C22orf31: variants seen among roughly 807,000 people sequenced by gnomAD.
C22orf31 encodes uncharacterized protein C22orf31.
C22orf31 carries 11 observed loss-of-function variants against 15.0 expected under a neutral mutation model. The ratio of observed to expected loss-of-function variants is 0.73; its 90% CI spans 0.46 to 1.21. The LOEUF is 1.21. Among genes scored for constraint, C22orf31 ranks in the 50% most tolerant of loss-of-function variants. C22orf31 has a pLI of 0.00. For synonymous variants in C22orf31, 132 were observed against 133.3 expected, an observed-to-expected ratio of 0.99 and a Z score of 0.07; for missense variants, 340 against 347.2, an observed-to-expected ratio of 0.98 and a Z score of 0.17.
Position 29,059,062 on chromosome 22 carries a change from C to T in C22orf31, c.553G>A (p.Gly185Ser), listed in dbSNP as rs769738587. Reference sequence around the variant, plus strand: ...TGGGTTTCAGGAAGCAACACTCGGCCCTTCCAGGCTGCTGTCCCACTGTCC... The same window carrying T: ...TGGGTTTCAGGAAGCAACACTCGGCTCTTCCAGGCTGCTGTCCCACTGTCC... ...PQDSGTAAWKGRVLLPETQKR... is the reference protein window; with the variant it reads ...PQDSGTAAWKSRVLLPETQKR... Residue 185 changes from glycine to serine, a missense_variant, in exon 3 of 3, where the codon GGC (glycine) becomes AGC (serine). Transcript: ENST00000216071. The T allele has an allele frequency of 2.4e-5, 38 of 1,614,086 alleles. No individual in the cohort carries two copies. In the South Asian group the frequency reaches 4.2e-4, roughly 18 times the overall value.
At chr22:29,064,708 T>C (rs1346820641), upstream of C22orf31, among the ~76,000 whole-genome samples, 2 of 59,486 alleles carry the variant, frequency 3.4e-5, no homozygotes, top group Non-Finnish European at 6.7e-5. Flanking sequence ...TTTTTTTTTT[T>C]TTTTTTTTTT....
chr22:29,059,317 A>C (rs2037356598), intron 2 of C22orf31, 135 bp from the exon 3 acceptor site: 2 of 701,020 alleles, frequency 2.9e-6, no homozygotes, highest in South Asian at 3.7e-5. Flanking sequence ...AGTTTACTGA[A>C]TTCCTTTATG....
At chr22:29,067,633 G>A in the C22orf31 span, among the ~76,000 whole-genome samples, 3 of 152,140 alleles carry the variant, frequency 2.0e-5, no homozygotes, top group African/African-American at 7.2e-5. Flanking sequence ...TAGCAGAACT[G>A]GGGTTTTGCC....
rs773119007 is a variant in C22orf31, at chr22:29,058,815, G to C, written c.800C>G (p.Pro267Arg). 9.3e-6 allele frequency: 15 copies of C among 1,614,154 alleles called. No homozygotes were observed. The East Asian group carries it at 2.9e-4, about 31-fold the overall frequency. ...GTGGACACCTGGCTGCTTCCTGCCA[G>C]GGAACCGGTCCCTCTGAGCACCTTC... ...ISEGAQRDRFPGRKQPGVHEE... is the reference protein window; with the variant it reads ...ISEGAQRDRFRGRKQPGVHEE... The change falls in exon 3 of 3, where the codon CCT (proline) becomes CGT (arginine). Residue 267 changes from proline (P) to arginine (R), a missense_variant. Physicochemically the swap from Pro to Arg is moderately radical, Grantham distance 103 (BLOSUM62 -2). Transcript: ENST00000216071.
upstream of C22orf31, among the ~76,000 whole-genome samples, chr22:29,065,425 A>C (rs1039029558): frequency 2.4e-5 from 2 of 82,870 alleles, no homozygotes; most frequent in Non-Finnish European, 5.6e-5. Context: ...AAGAAAAAGA[A>C]CAAAGAAAAA....
the C22orf31 span, among the ~76,000 whole-genome samples, chr22:29,067,656 C>A: frequency 6.6e-6 from 1 of 151,940 alleles, no homozygotes; most frequent in Non-Finnish European, 1.5e-5. Context: ...ATTGGCCAGG[C>A]TGGACTCGAA....
At chr22:29,064,205 G>A (rs895634378), upstream of C22orf31, among the ~76,000 whole-genome samples, 10 of 152,122 alleles carry the variant, frequency 6.6e-5, no homozygotes, top group African/African-American at 2.2e-4. Context: ...AGTTATCACC[G>A]TGATGCCTGG....
At chr22:29,059,631 C>T (rs927502315) in intron 2 of C22orf31, 17 of 950,188 alleles carry the variant, frequency 1.8e-5, no homozygotes, top group South Asian at 1.5e-4. Context: ...AATTACAGTC[C>T]GAGTTGGGAT....
upstream of C22orf31, among the ~76,000 whole-genome samples, chr22:29,064,310 T>C (rs979385476): frequency 2.6e-5 from 4 of 152,226 alleles, no homozygotes; most frequent in Non-Finnish European, 5.9e-5. Flanking sequence ...GGAGGGAATC[T>C]GCCTGTGATG....
chr22:29,059,962 C>T, intron 2 of C22orf31: 2 of 984,962 alleles, frequency 2.0e-6, no homozygotes, highest in Non-Finnish European at 2.4e-6. Context: ...CACCTCCTCC[C>T]CACATTCTGT....
chr22:29,072,835 C>T, the C22orf31 span, among the ~76,000 whole-genome samples: 1 of 152,088 alleles, frequency 6.6e-6, no homozygotes, highest in South Asian at 2.1e-4. Flanking sequence ...CTGGGCCGGC[C>T]CAGGTGAGGC....
Position 29,061,784 on chromosome 22 carries a change from C to A in C22orf31, c.3+6G>T, listed in dbSNP as rs1011121848. 1 of 1,542,768 alleles carries A rather than the reference C, an allele frequency of 6.5e-7. No homozygotes were observed. The highest frequency in any genetic ancestry group is 1.2e-5 in the South Asian group (1 of 85,036). ...AATGTCATCTATAGAAATAAAATCA[C>A]CTTACCATATTTCAGTTGCCTTAAA... On this transcript the variant is annotated splice_donor_region_variant and intron_variant, in intron 1 of 2. Coordinates refer to ENST00000216071, the MANE Select transcript of C22orf31 (RefSeq NM_015370.2).
At position 29,060,021 on chromosome 22, in the gene C22orf31, C is replaced by CTTT. The variant is rs60208241; in HGVS notation, c.432+391_432+393dup. The CTTT allele has an allele frequency of 9.4e-4, 507 of 541,076 alleles. 1 individual carries two copies. Among genetic ancestry groups the CTTT allele is most frequent in the Middle Eastern group, 3.2e-3 (3 of 952 alleles). The allele number at this position is 541,076 out of a possible 1,614,324, so 33.5% of individuals were successfully genotyped here. A position where few individuals can be genotyped will look rare whatever the true frequency, so the allele number is the denominator to read the frequency against. On this transcript the variant is annotated intron_variant, in intron 2 of 2. Coordinates refer to ENST00000216071, the MANE Select transcript of C22orf31 (RefSeq NM_015370.2). Reference sequence around the variant, plus strand: ...CTTGGTATAGATCTTTTTTTCTTTTCTTTTTTTTTTTTTTTTTTTTTTATT... The same window carrying CTTT: ...CTTGGTATAGATCTTTTTTTCTTTTCTTTTTTTTTTTTTTTTTTTTTTTTTATT...
the C22orf31 span, among the ~76,000 whole-genome samples, chr22:29,073,938 G>A: frequency 6.6e-6 from 1 of 151,996 alleles, no homozygotes; most frequent in East Asian, 2.0e-4. This position sits in a 1 kb window ranked among gnomAD's most constrained non-coding sequence, Gnocchi z 4.4. Flanking sequence ...GACCTCCAGC[G>A]ACATCCCTCC....
At position 29,058,704 on chromosome 22, in the gene C22orf31, T is replaced by C. The variant is rs2037342985; in HGVS notation, c.*38A>G. 1 of 1,480,474 alleles carries C rather than the reference T, an allele frequency of 6.8e-7. No individual in the cohort carries two copies. Among genetic ancestry groups the C allele is most frequent in the South Asian group, 1.3e-5 (1 of 79,226 alleles). 91.7% of individuals were successfully genotyped at this position (1,480,474 alleles called of 1,614,324 possible). Reference sequence around the variant, plus strand: ...CAAAGTTGTGTTTATTTTTCAGATCTCTAGCAGAGAATACTCTAATCCCAT... The same window carrying C: ...CAAAGTTGTGTTTATTTTTCAGATCCCTAGCAGAGAATACTCTAATCCCAT... On this transcript the variant is annotated 3_prime_UTR_variant, in exon 3 of 3. Coordinates refer to ENST00000216071, the MANE Select transcript of C22orf31 (RefSeq NM_015370.2).
At chr22:29,064,781 T>A (rs116237670), upstream of C22orf31, among the ~76,000 whole-genome samples, 1 of 142,368 alleles carries the variant, frequency 7.0e-6, no homozygotes, top group Admixed American at 7.4e-5. Context: ...TCTCAAGTGA[T>A]CCTCCTTGGC....
chr22:29,066,683 A>ACT (rs1475591459), upstream of C22orf31, among the ~76,000 whole-genome samples: 1 of 148,690 alleles, frequency 6.7e-6, no homozygotes, highest in Non-Finnish European at 1.5e-5. Context: ...GCCTCAGCCT[A>ACT]CTGAGTAACT....
chr22:29,067,361 G>A, the C22orf31 span, among the ~76,000 whole-genome samples: 2 of 151,464 alleles, frequency 1.3e-5, no homozygotes, highest in Admixed American at 1.3e-4. Flanking sequence ...TCCCAGCTCT[G>A]GACCACTCAG....
At chr22:29,068,759 CTTTTTTTTTT>C in the C22orf31 span, among the ~76,000 whole-genome samples, 2 of 113,116 alleles carry the variant, frequency 1.8e-5, no homozygotes, top group Admixed American at 1.9e-4. Flanking sequence ...CAACCTGGTA[CTTTTTTTTTT>C]TTTTTTTTTT....
Sources: gnomAD v4.1 joint callset for allele counts (sites outside exome capture counted in the v4.1 genomes callset) on GRCh38, gnomAD v4.1.1 for gene constraint, Gnocchi (gnomAD v3.1) non-coding constraint, MANE v1.5 for transcripts, NCBI Gene and HGNC (gene_info 2026-07-23, HGNC 2026-07-21) for gene names.